IL1RAPL2: variants seen among roughly 807,000 people sequenced by gnomAD.
IL1RAPL2 encodes the protein interleukin 1 receptor accessory protein like 2.
A neutral mutation model predicts 44.1 loss-of-function variants in IL1RAPL2; 3 were observed. The ratio of observed to expected loss-of-function variants is 0.07; its 90% CI spans 0.03 to 0.18. IL1RAPL2 has a LOEUF of 0.18. Among genes scored for constraint, IL1RAPL2 ranks in the 10% least tolerant of loss-of-function variants. The probability of loss-of-function intolerance (pLI) is 1.00; values close to 1 mark genes in which losing one functional copy is unlikely to be tolerated. For missense variants in IL1RAPL2, 391 were observed against 496.4 expected (o/e 0.79, Z 2.02); for synonymous variants, 181 against 178.8 (o/e 1.01, Z -0.10).
At chrX:104,951,133 C>G (rs1443847387) in intron 2 of IL1RAPL2, among the ~76,000 whole-genome samples, 1 of 111,965 alleles carries the variant, frequency 8.9e-6, no homozygotes, top group Non-Finnish European at 1.9e-5. Flanking sequence ...AGAAATCACC[C>G]GTCTTCTGCG....
chrX:104,632,697 C>T (rs1399540727), intron 1 of IL1RAPL2, among the ~76,000 whole-genome samples: 2 of 108,301 alleles, frequency 1.8e-5, no homozygotes, highest in South Asian at 4.2e-4. Context: ...GATTTTGTAT[C>T]CTGAGACTTT....
At chrX:104,645,554 T>C (rs746845540) in intron 1 of IL1RAPL2, among the ~76,000 whole-genome samples, 3 of 112,286 alleles carry the variant, frequency 2.7e-5, no homozygotes, top group Non-Finnish European at 5.6e-5. Context: ...AGTCACTTTC[T>C]CCAGACACCT....
In IL1RAPL2 at chrX:104,991,044, A is replaced by C. The variant is rs147454950; in HGVS notation, c.83-204431A>C. Reference sequence around the variant, plus strand: ...GAAATTCAGCTTACTAGTAGGAGGCATTAGGACATAACTTTCCCCTGCAGA... The same window carrying C: ...GAAATTCAGCTTACTAGTAGGAGGCCTTAGGACATAACTTTCCCCTGCAGA... On this transcript the variant is annotated intron_variant, in intron 2 of 10. Coordinates refer to ENST00000372582, the MANE Select transcript of IL1RAPL2 (RefSeq NM_017416.2). 5.6e-3 allele frequency among the ~76,000 whole-genome samples: 620 copies of C among 111,369 alleles called. 7 individuals are homozygous for C. The highest frequency in any genetic ancestry group is 0.019 in the African/African-American group (587 of 30,714).
intron 2 of IL1RAPL2, among the ~76,000 whole-genome samples, chrX:104,775,684 GA>G (rs1282250044): frequency 1.8e-5 from 2 of 111,666 alleles, no homozygotes; most frequent in Middle Eastern, 4.6e-3. Flanking sequence ...TGTTAATGGG[GA>G]AAAAATTCAA....
intron 5 of IL1RAPL2, among the ~76,000 whole-genome samples, chrX:105,303,618 G>C (rs754480657): frequency 1.8e-5 from 2 of 112,277 alleles, no homozygotes; most frequent in Non-Finnish European, 3.8e-5. Flanking sequence ...CAGGCCTGCT[G>C]ATATTCTGCT....
intron 2 of IL1RAPL2, among the ~76,000 whole-genome samples, chrX:104,967,110 A>G (rs2147719162): frequency 8.9e-6 from 1 of 111,896 alleles, no homozygotes; most frequent in Admixed American, 9.5e-5. Flanking sequence ...GAAAATACAT[A>G]TTATTCTCAA....
intron 6 of IL1RAPL2, among the ~76,000 whole-genome samples, chrX:105,589,706 C>T (rs1364152304): frequency 9.0e-6 from 1 of 110,532 alleles, no homozygotes; most frequent in African/African-American, 3.3e-5. Flanking sequence ...AGCTTTATTT[C>T]TGGGACCTCT....
intron 6 of IL1RAPL2, among the ~76,000 whole-genome samples, chrX:105,486,337 C>G (rs918642702): frequency 5.4e-5 from 6 of 111,617 alleles, no homozygotes; most frequent in Non-Finnish European, 1.1e-4. Flanking sequence ...TTAAATAAGC[C>G]TAGCAATGTG....
intron 2 of IL1RAPL2, among the ~76,000 whole-genome samples, chrX:105,068,898 T>C (rs1195433162): frequency 8.9e-6 from 1 of 111,831 alleles, no homozygotes; most frequent in East Asian, 2.8e-4. Flanking sequence ...CTGTATATGG[T>C]CGTATTATCA....
At chrX:105,695,888 T>G (rs2147534681) in intron 6 of IL1RAPL2, among the ~76,000 whole-genome samples, 1 of 112,288 alleles carries the variant, frequency 8.9e-6, no homozygotes, top group Admixed American at 9.4e-5. Context: ...TGCCATGTTC[T>G]TAGTCAATTG....
At chrX:104,804,965 G>A (rs1932911135) in intron 2 of IL1RAPL2, among the ~76,000 whole-genome samples, 1 of 112,091 alleles carries the variant, frequency 8.9e-6, no homozygotes, top group African/African-American at 3.2e-5. Context: ...CAAATGAATG[G>A]CACAGACAAG....
intron 2 of IL1RAPL2, among the ~76,000 whole-genome samples, chrX:104,785,702 T>C (rs1202671531): frequency 8.9e-6 from 1 of 112,097 alleles, no homozygotes; most frequent in Non-Finnish European, 1.9e-5. Flanking sequence ...CAGTTCTACC[T>C]TGTTGCAGCT....
At chrX:105,067,889 T>C (rs759139027) in intron 2 of IL1RAPL2, among the ~76,000 whole-genome samples, 1 of 111,900 alleles carries the variant, frequency 8.9e-6, no homozygotes, top group Admixed American at 9.5e-5. Flanking sequence ...TGGAGGCTTG[T>C]GGCATTAACC....
At chrX:105,214,038 A>T (rs1188704120) in intron 3 of IL1RAPL2, among the ~76,000 whole-genome samples, 1 of 106,211 alleles carries the variant, frequency 9.4e-6, no homozygotes, top group South Asian at 4.3e-4. Context: ...AAATATAAAG[A>T]CCTCTATGAA....
intron 1 of IL1RAPL2, among the ~76,000 whole-genome samples, chrX:104,637,625 T>C (rs1929842430): frequency 9.0e-6 from 1 of 111,388 alleles, no homozygotes; most frequent in South Asian, 3.8e-4. Context: ...TATTGATTTG[T>C]GTATGCTGAA....
At chrX:104,848,675 A>G (rs1446047998) in intron 2 of IL1RAPL2, among the ~76,000 whole-genome samples, 2 of 108,498 alleles carry the variant, frequency 1.8e-5, no homozygotes, top group Non-Finnish European at 3.8e-5. Flanking sequence ...AACTTTTAGT[A>G]ACCTTAATTT....
Position 105,031,322 on chromosome X carries a change from A to T in IL1RAPL2, c.83-164153A>T, listed in dbSNP as rs745903329. ...AGAGAGGGCATCCCTGTCTTGTGCC[A>T]GTTTTCAAAGGGAATGCTTCCAGTT... On this transcript the variant is annotated intron_variant, in intron 2 of 10. Transcript: ENST00000372582. Among the ~76,000 whole-genome samples, 471 of 108,177 alleles carry T rather than the reference A, an allele frequency of 4.4e-3. 6 individuals are homozygous for T. The highest frequency in any genetic ancestry group is 0.015 in the African/African-American group (436 of 29,531). The allele number at this position is 108,177 out of a possible 115,157, so 93.9% of individuals were successfully genotyped here.
chrX:104,717,130 G>A (rs2147561300), intron 2 of IL1RAPL2, among the ~76,000 whole-genome samples: 1 of 111,914 alleles, frequency 8.9e-6, no homozygotes, highest in East Asian at 2.8e-4. Context: ...CATGGATGCA[G>A]CTGAAGGCCA....
At chrX:104,677,496 T>C (rs1016299062) in intron 2 of IL1RAPL2, among the ~76,000 whole-genome samples, 1 of 111,208 alleles carries the variant, frequency 9.0e-6, no homozygotes, top group Non-Finnish European at 1.9e-5. Context: ...ACTGCTCTCT[T>C]CAAAGCTGTC....
Sources: gnomAD v4.1 joint callset for allele counts (sites outside exome capture counted in the v4.1 genomes callset) on GRCh38, gnomAD v4.1.1 for gene constraint, MANE v1.5 for transcripts, NCBI Gene and HGNC (gene_info 2026-07-23, HGNC 2026-07-21) for gene names.